The following CNTNAP2 variants were observed in gnomAD, a reference collection of about 807,000 sequenced individuals.
CNTNAP2 encodes the protein contactin associated protein 2.
CNTNAP2 carries 98 observed loss-of-function variants against 155.2 expected under a neutral mutation model. The ratio of observed to expected loss-of-function variants is 0.63; its 90% CI spans 0.54 to 0.75. The LOEUF is 0.75. Ranked by LOEUF, CNTNAP2 falls within the 30% of genes least tolerant of loss-of-function variation. CNTNAP2 has a pLI of 0.00. For missense variants in CNTNAP2, 1,727 were observed against 1,688.1 expected (o/e 1.02, Z -0.40); for synonymous variants, 651 against 631.2 (o/e 1.03, Z -0.47).
chr7:146,673,145 C>T (rs938182515), intron 1 of CNTNAP2, among the ~76,000 whole-genome samples: 1 of 151,956 alleles, frequency 6.6e-6, no homozygotes, highest in Non-Finnish European at 1.5e-5. Flanking sequence ...ATTCAAATAA[C>T]CTTCATTGGT....
At chr7:146,119,356 T>C (rs1013844394) in intron 1 of CNTNAP2, among the ~76,000 whole-genome samples, 2 of 152,162 alleles carry the variant, frequency 1.3e-5, no homozygotes, top group African/African-American at 4.8e-5. Context: ...TTATGACTTA[T>C]TTCTTTTTCT....
intron 9 of CNTNAP2, among the ~76,000 whole-genome samples, chr7:147,302,781 T>G (rs576284037): frequency 6.6e-6 from 1 of 152,206 alleles, no homozygotes; most frequent in African/African-American, 2.4e-5. Flanking sequence ...TGCATGAGAA[T>G]TAGCTACTCT....
intron 12 of CNTNAP2, among the ~76,000 whole-genome samples, chr7:147,573,475 CCTT>C (rs763372865): frequency 6.6e-6 from 1 of 152,084 alleles, no homozygotes; most frequent in Non-Finnish European, 1.5e-5. Context: ...CCCTATTTGT[CCTT>C]CTGTTTCTAA....
At chr7:147,068,604 A>G (rs1799829369) in intron 4 of CNTNAP2, among the ~76,000 whole-genome samples, 1 of 152,104 alleles carries the variant, frequency 6.6e-6, no homozygotes, top group African/African-American at 2.4e-5. Flanking sequence ...TGATCCGCCA[A>G]CCTCAGCCTC....
chr7:148,321,422 G>A (rs1345467649), intron 21 of CNTNAP2, among the ~76,000 whole-genome samples: 2 of 152,224 alleles, frequency 1.3e-5, no homozygotes, highest in African/African-American at 4.8e-5. Flanking sequence ...TGGTGGCAGA[G>A]GGAGGGATGG....
In CNTNAP2 at chr7:147,616,805, G is replaced by A. The variant is rs1801302449; in HGVS notation, c.1898-22301G>A. On this transcript the variant is annotated intron_variant, in intron 12 of 23. Transcript: ENST00000361727. ...TGCCTGAGATGATGGATTTTATATC[G>A]TGCTCATTGCCGTACCTCTAGAACT... is the stretch of plus-strand genomic sequence containing the variant. Among the ~76,000 whole-genome samples, 3 of 151,840 alleles carry A rather than the reference G, an allele frequency of 2.0e-5. No individual in the cohort carries two copies. In the South Asian group the frequency reaches 6.2e-4, roughly 32 times the overall value.
At chr7:148,006,800 G>A (rs1244402789) in intron 15 of CNTNAP2, among the ~76,000 whole-genome samples, 5 of 151,888 alleles carry the variant, frequency 3.3e-5, no homozygotes, top group East Asian at 1.9e-4. Context: ...ATCATATTCC[G>A]TTCTTTCATG....
At chr7:146,189,323 G>A (rs1798669413) in intron 1 of CNTNAP2, among the ~76,000 whole-genome samples, 1 of 152,118 alleles carries the variant, frequency 6.6e-6, no homozygotes, top group African/African-American at 2.4e-5. Flanking sequence ...TATCCTTGAT[G>A]ACAATGGTGA....
chr7:147,523,338 C>T (rs1454609522), intron 11 of CNTNAP2, among the ~76,000 whole-genome samples: 1 of 152,056 alleles, frequency 6.6e-6, no homozygotes, highest in African/African-American at 2.4e-5. Flanking sequence ...AATGAATGCA[C>T]AAAACAGAAG....
intron 3 of CNTNAP2, among the ~76,000 whole-genome samples, chr7:146,937,178 G>C (rs993660565): frequency 5.9e-5 from 9 of 151,734 alleles, no homozygotes; most frequent in African/African-American, 2.2e-4. Flanking sequence ...ACGAGGTCAG[G>C]AGATTAAGAC....
rs144262991 is a variant in CNTNAP2 at position 146,745,510 on chromosome 7, G to A, written c.98-28761G>A. Reference sequence around the variant, plus strand: ...AAAGTCTGTTAAGGCGGCTGGGCGCGGTAATCCCAGCACTTTGGGAGGCCA... The same window carrying A: ...AAAGTCTGTTAAGGCGGCTGGGCGCAGTAATCCCAGCACTTTGGGAGGCCA... On this transcript the variant is annotated intron_variant, in intron 1 of 23. Transcript: ENST00000361727. 6.7e-3 allele frequency among the ~76,000 whole-genome samples: 1,022 copies of A among 151,946 alleles called. 5 individuals carry two copies. The highest frequency in any genetic ancestry group is 9.8e-3 in the Non-Finnish European group (665 of 67,904).
At chr7:146,870,558 A>G (rs1434848607) in intron 3 of CNTNAP2, among the ~76,000 whole-genome samples, 2 of 152,172 alleles carry the variant, frequency 1.3e-5, no homozygotes, top group Non-Finnish European at 2.9e-5. Context: ...TATATATTCA[A>G]AGTTTTAAAC....
intron 11 of CNTNAP2, among the ~76,000 whole-genome samples, chr7:147,550,388 A>G (rs1799828202): frequency 6.6e-6 from 1 of 152,148 alleles, no homozygotes; most frequent in African/African-American, 2.4e-5. Context: ...TGTTTTATAA[A>G]TAGGAGTTCC....
chr7:146,243,755 T>C (rs1292146935), intron 1 of CNTNAP2, among the ~76,000 whole-genome samples: 4 of 152,180 alleles, frequency 2.6e-5, no homozygotes, highest in African/African-American at 9.7e-5. Context: ...CTCATCAGTT[T>C]AGAATGAGTC....
At chr7:146,281,284 T>C (rs1038134139) in intron 1 of CNTNAP2, among the ~76,000 whole-genome samples, 4 of 152,190 alleles carry the variant, frequency 2.6e-5, no homozygotes, top group African/African-American at 9.7e-5. Context: ...GGTATTTTCA[T>C]TTTAATAAAG....
At chr7:146,806,868 T>G (rs1802976621) in intron 2 of CNTNAP2, among the ~76,000 whole-genome samples, 1 of 152,160 alleles carries the variant, frequency 6.6e-6, no homozygotes, top group South Asian at 2.1e-4. Context: ...AATGACTTAG[T>G]CTCTCTGTGT....
At chr7:147,849,289 G>C (rs1343003100) in intron 13 of CNTNAP2, among the ~76,000 whole-genome samples, 1 of 152,190 alleles carries the variant, frequency 6.6e-6, no homozygotes, top group Non-Finnish European at 1.5e-5. Context: ...GATTATGAAT[G>C]TTAATATACC....
intron 8 of CNTNAP2, among the ~76,000 whole-genome samples, chr7:147,166,227 T>C (rs572959441): frequency 6.6e-6 from 1 of 152,144 alleles, no homozygotes; most frequent in Non-Finnish European, 1.5e-5. Context: ...AGGAATTAAT[T>C]AATGGCACTC....
intron 15 of CNTNAP2, among the ~76,000 whole-genome samples, chr7:148,099,868 G>GTTTTTTTTT (rs751537152): frequency 1.8e-4 from 16 of 88,806 alleles, no homozygotes; most frequent in South Asian, 4.1e-4. Context: ...TTTTTTTTTG[G>GTTTTTTTTT]TTTTTTTTTT....
Sources: gnomAD v4.1 joint callset for allele counts (sites outside exome capture counted in the v4.1 genomes callset) on GRCh38, gnomAD v4.1.1 for gene constraint, MANE v1.5 for transcripts, NCBI Gene and HGNC (gene_info 2026-07-23, HGNC 2026-07-21) for gene names.